Variants in LSAMP observed in about 807,000 individuals in gnomAD.
LSAMP encodes the protein limbic system-associated membrane protein.
A neutral mutation model predicts 38.6 loss-of-function variants in LSAMP; 7 were observed. The ratio of observed to expected loss-of-function variants is 0.18; its 90% confidence interval spans 0.10 to 0.34. The LOEUF is 0.34. Among genes scored for constraint, LSAMP ranks in the 10% least tolerant of loss-of-function variants. The pLI is 1.00. For missense variants in LSAMP, 313 were observed against 420.0 expected (o/e 0.75, Z 2.23); for synonymous variants, 154 against 166.8 (o/e 0.92, Z 0.59).
chr3:116,045,504 A>G (rs1377230928), intron 2 of LSAMP, among the ~76,000 whole-genome samples: 38 of 151,202 alleles, frequency 2.5e-4, no homozygotes, highest in African/African-American at 9.0e-4. Flanking sequence ...ATATAACCAC[A>G]GACAGCTCAA....
chr3:116,088,264 T>G (rs1386324690), intron 1 of LSAMP, among the ~76,000 whole-genome samples: 1 of 152,186 alleles, frequency 6.6e-6, no homozygotes, highest in Admixed American at 6.5e-5. Context: ...TTCATAAACA[T>G]AACTAGATTT....
At chr3:115,860,395 G>A (rs1935640061) in intron 3 of LSAMP, among the ~76,000 whole-genome samples, 1 of 152,194 alleles carries the variant, frequency 6.6e-6, no homozygotes, top group Non-Finnish European at 1.5e-5. Flanking sequence ...AATGCTGAAG[G>A]ATGCTACAGT....
chr3:116,323,901 C>T (rs1227953416), intron 1 of LSAMP, among the ~76,000 whole-genome samples: 1 of 152,170 alleles, frequency 6.6e-6, no homozygotes, highest in African/African-American at 2.4e-5. Flanking sequence ...AAACAATCTT[C>T]AACCCTTCCT....
intron 1 of LSAMP, among the ~76,000 whole-genome samples, chr3:116,138,480 G>T (rs565740379): frequency 2.0e-5 from 3 of 151,914 alleles, no homozygotes; most frequent in Non-Finnish European, 4.4e-5. Context: ...AAAGATTGAC[G>T]CAATTGATCT....
chr3:116,308,132 C>T (rs182726884), intron 1 of LSAMP, among the ~76,000 whole-genome samples: 1 of 151,912 alleles, frequency 6.6e-6, no homozygotes, highest in East Asian at 1.9e-4. Flanking sequence ...TTTCCCCCTA[C>T]CATCTTTTAA....
chr3:116,200,221 C>A (rs1224407162), intron 1 of LSAMP, among the ~76,000 whole-genome samples: 1 of 151,986 alleles, frequency 6.6e-6, no homozygotes, highest in Non-Finnish European at 1.5e-5. Context: ...AGAGAGGGCA[C>A]CATTTTCTGT....
At chr3:115,826,317 G>A (rs768755438) in intron 6 of LSAMP, among the ~76,000 whole-genome samples, 5 of 151,714 alleles carry the variant, frequency 3.3e-5, no homozygotes, top group East Asian at 3.9e-4. Context: ...GGGTTTCACC[G>A]TGTTAGCCAG....
chr3:116,192,574 A>G (rs1710778010), intron 1 of LSAMP, among the ~76,000 whole-genome samples: 1 of 152,184 alleles, frequency 6.6e-6, no homozygotes, highest in Non-Finnish European at 1.5e-5. Flanking sequence ...GAGATTAGAG[A>G]GAATAAGTTG....
intron 6 of LSAMP, among the ~76,000 whole-genome samples, chr3:115,836,020 TTTA>T (rs772982879): frequency 6.6e-6 from 1 of 152,224 alleles, no homozygotes; most frequent in South Asian, 2.1e-4. Flanking sequence ...GAATTTTATT[TTTA>T]TTATTACTAT....
intron 3 of LSAMP, among the ~76,000 whole-genome samples, chr3:115,958,426 G>A (rs1443729462): frequency 6.6e-6 from 1 of 152,134 alleles, no homozygotes; most frequent in Non-Finnish European, 1.5e-5. Context: ...GTTTTGAATT[G>A]TAAACGTTTC....
intron 3 of LSAMP, among the ~76,000 whole-genome samples, chr3:115,896,686 G>T (rs973816240): frequency 6.6e-6 from 1 of 152,046 alleles, no homozygotes; most frequent in Non-Finnish European, 1.5e-5. Context: ...ATTGATTTAG[G>T]TATTGAGGAA....
intron 1 of LSAMP, among the ~76,000 whole-genome samples, chr3:116,187,280 C>G (rs1458408254): frequency 6.6e-6 from 1 of 152,114 alleles, no homozygotes; most frequent in East Asian, 1.9e-4. Flanking sequence ...AATTTAAGCT[C>G]TAACTGCCAA....
chr3:115,977,175 A>G (rs1312292112), intron 3 of LSAMP, among the ~76,000 whole-genome samples: 1 of 152,196 alleles, frequency 6.6e-6, no homozygotes. Context: ...ATGATCAAGA[A>G]GAATGGTATT....
intron 1 of LSAMP, among the ~76,000 whole-genome samples, chr3:116,150,459 G>A (rs770346866): frequency 6.6e-6 from 1 of 151,974 alleles, no homozygotes; most frequent in Non-Finnish European, 1.5e-5. Flanking sequence ...TTATGATTGT[G>A]GCATTTTTAT....
At chr3:116,329,198 C>T (rs539273054) in intron 1 of LSAMP, among the ~76,000 whole-genome samples, 1 of 152,142 alleles carries the variant, frequency 6.6e-6, no homozygotes, top group East Asian at 1.9e-4. Context: ...ACTGAATGCA[C>T]ATATTCTAAT....
intron 1 of LSAMP, among the ~76,000 whole-genome samples, chr3:116,199,366 C>T (rs1191131876): frequency 6.6e-6 from 1 of 152,124 alleles, no homozygotes; most frequent in Non-Finnish European, 1.5e-5. Context: ...TTCTTTCTTC[C>T]TACCTTCAAT....
rs769912850 is a variant in LSAMP at position 116,019,645 on chromosome 3, G to A, written c.389-5C>T. 9.9e-6 allele frequency: 16 copies of A among 1,610,408 alleles called. No homozygotes were observed. Among genetic ancestry groups the A allele is most frequent in the Non-Finnish European group, 1.4e-5 (16 of 1,177,604 alleles). The stretch of plus-strand genomic sequence containing the variant: ...TATTGGAGATCTTTGGTGGGACTGT[G>A]AAAACAAAAGGAAATGGAATATGTA... On this transcript the variant is annotated splice_polypyrimidine_tract_variant and splice_region_variant and intron_variant, in intron 2 of 6. Coordinates refer to ENST00000490035, the MANE Select transcript of LSAMP (RefSeq NM_002338.5).
intron 1 of LSAMP, among the ~76,000 whole-genome samples, chr3:116,373,461 G>A (rs1483874401): frequency 2.0e-5 from 3 of 151,580 alleles, no homozygotes; most frequent in Non-Finnish European, 4.4e-5. Context: ...AATGGGTATA[G>A]GGCTTAGTTT....
At chr3:115,923,878 A>C (rs573870693) in intron 3 of LSAMP, among the ~76,000 whole-genome samples, 1 of 152,318 alleles carries the variant, frequency 6.6e-6, no homozygotes, top group Non-Finnish European at 1.5e-5. Flanking sequence ...CATTCATATA[A>C]CATTGTATTA....
Sources: allele counts gnomAD v4.1 joint callset (sites outside exome capture counted in the v4.1 genomes callset), GRCh38; gene constraint gnomAD v4.1.1; transcripts MANE v1.5; gene names NCBI Gene and HGNC (gene_info 2026-07-23, HGNC 2026-07-21).